Variants in GDPD5 observed in about 807,000 individuals in gnomAD.
The protein encoded by GDPD5 is glycerophosphodiester phosphodiesterase 2.
A neutral mutation model predicts 75.1 loss-of-function variants in GDPD5; 48 were observed. The ratio of observed to expected loss-of-function variants is 0.64; its 90% CI spans 0.51 to 0.81. The LOEUF (loss-of-function observed/expected upper bound fraction) is 0.81, where lower values mean the gene tolerates loss of function less well. Ranked by LOEUF, GDPD5 falls within the 40% of genes least tolerant of loss-of-function variation. The probability of loss-of-function intolerance (pLI) is 0.00; values close to 1 mark genes in which losing one functional copy is unlikely to be tolerated. For missense variants in GDPD5, 706 were observed against 822.6 expected (o/e 0.86, Z 1.73); for synonymous variants, 336 against 339.0 (o/e 0.99, Z 0.10).
At chr11:75,477,036 T>C (rs1355053446) in intron 3 of GDPD5, among the ~76,000 whole-genome samples, 2 of 152,210 alleles carry the variant, frequency 1.3e-5, no homozygotes, top group African/African-American at 4.8e-5. Context: ...CACACAGGAA[T>C]TGGGTTCCTT....
intron 14 of GDPD5, among the ~76,000 whole-genome samples, chr11:75,440,406 T>C (rs1325632773): frequency 2.0e-5 from 3 of 152,216 alleles, no homozygotes; most frequent in African/African-American, 4.8e-5. Flanking sequence ...GTCTGATTCA[T>C]TGGCACTGCA....
chr11:75,471,089 G>A (rs1336678808), intron 3 of GDPD5, among the ~76,000 whole-genome samples: 1 of 152,206 alleles, frequency 6.6e-6, no homozygotes, highest in African/African-American at 2.4e-5. Flanking sequence ...CCACCTGCAA[G>A]CCAAATCTTG....
intron 2 of GDPD5, among the ~76,000 whole-genome samples, chr11:75,483,841 G>A (rs940612406): frequency 3.3e-5 from 5 of 152,236 alleles, no homozygotes; most frequent in Non-Finnish European, 7.3e-5. Flanking sequence ...GAGGATTGGG[G>A]AGGAAAGGCG....
In GDPD5 at chr11:75,456,396, G is replaced by A. The variant is rs182035726; in HGVS notation, c.375+361C>T. On this transcript the variant is annotated intron_variant, in intron 6 of 16. Coordinates refer to ENST00000336898, the MANE Select transcript of GDPD5 (RefSeq NM_030792.8). ...CCGAGGCAGGGCCCCCAGAGGGTGG[G>A]TGCCACAGTATGAGCTGTGAGCTCT... 2.2e-4 allele frequency: 50 copies of A among 232,008 alleles called. 1 individual carries two copies. The East Asian group carries it at 4.2e-3, about 20-fold the overall frequency. 14.4% of individuals were successfully genotyped at this position (232,008 alleles called of 1,614,324 possible).
chr11:75,500,443 T>C (rs1390566316), intron 1 of GDPD5, among the ~76,000 whole-genome samples: 1 of 152,186 alleles, frequency 6.6e-6, no homozygotes, highest in East Asian at 1.9e-4. Flanking sequence ...CCTCAGCCAC[T>C]GATTGCCTGG....
Position 75,487,863 on chromosome 11 carries a change from G to C in GDPD5, c.-61+2374C>G, listed in dbSNP as rs1950045473. On this transcript the variant is annotated intron_variant, in intron 2 of 16. Coordinates refer to ENST00000336898, the MANE Select transcript of GDPD5 (RefSeq NM_030792.8). ...AGCATCTCAGAACTCAAAATCTCAG[G>C]CTCCAAATGCCCCAAATTGGACCTC... is the stretch of plus-strand genomic sequence containing the variant. 2.0e-5 allele frequency among the ~76,000 whole-genome samples: 3 copies of C among 152,178 alleles called. No homozygotes were observed. In the South Asian group the frequency reaches 6.2e-4, roughly 32 times the overall value.
intron 9 of GDPD5, among the ~76,000 whole-genome samples, chr11:75,447,752 C>T (rs753427123): frequency 2.0e-5 from 3 of 152,098 alleles, no homozygotes; most frequent in Non-Finnish European, 4.4e-5. Context: ...CGTTTTAAGC[C>T]CCTCAGAAGA....
At chr11:75,462,473 C>T (rs929319694) in intron 4 of GDPD5, among the ~76,000 whole-genome samples, 1 of 152,216 alleles carries the variant, frequency 6.6e-6, no homozygotes, top group Non-Finnish European at 1.5e-5. Flanking sequence ...TCCCTGAGTT[C>T]GCAGTAGGAC....
chr11:75,456,951 T>C, intron 5 of GDPD5, 135 bp from the exon 6 acceptor site: 1 of 806,310 alleles, frequency 1.2e-6, no homozygotes, highest in South Asian at 1.6e-5. Context: ...CTCCAGGCGA[T>C]GGGAATGCGC....
chr11:75,506,386 C>CG (rs1950399985), intron 1 of GDPD5, among the ~76,000 whole-genome samples: 1 of 152,232 alleles, frequency 6.6e-6, no homozygotes, highest in African/African-American at 2.4e-5. Flanking sequence ...AGAGCAACCC[C>CG]GGGGAAGTCC....
At chr11:75,469,596 C>CT (rs1272774008) in intron 3 of GDPD5, among the ~76,000 whole-genome samples, 1 of 152,214 alleles carries the variant, frequency 6.6e-6, no homozygotes, top group Non-Finnish European at 1.5e-5. Flanking sequence ...CAAGGTCACA[C>CT]TTTGAGTCAC....
chr11:75,481,574 G>A (rs970595626), intron 2 of GDPD5, among the ~76,000 whole-genome samples: 1 of 152,054 alleles, frequency 6.6e-6, no homozygotes, highest in Non-Finnish European at 1.5e-5. Flanking sequence ...GAGAGACCAT[G>A]GGTGGGGGTT....
chr11:75,442,803 T>C, intron 11 of GDPD5: 1 of 605,928 alleles, frequency 1.7e-6, no homozygotes, highest in Middle Eastern at 4.4e-4. Flanking sequence ...TTGCTTGGAA[T>C]CGCTCCCAGA....
intron 6 of GDPD5, chr11:75,450,806 C>CCCCAGGCGTG (rs1363917308): frequency 6.6e-6 from 1 of 151,996 alleles, no homozygotes; most frequent in Non-Finnish European, 1.5e-5. Context: ...CCCTCCACAC[C>CCCCAGGCGTG]CCCAGGCGTG....
chr11:75,505,224 G>C (rs950826200), intron 1 of GDPD5, among the ~76,000 whole-genome samples: 1 of 152,104 alleles, frequency 6.6e-6, no homozygotes, highest in African/African-American at 2.4e-5. Flanking sequence ...ACAGAAGAGG[G>C]GGCATTTGAG....
chr11:75,478,093 G>T (rs1197962938), intron 2 of GDPD5, among the ~76,000 whole-genome samples: 1 of 152,178 alleles, frequency 6.6e-6, no homozygotes, highest in African/African-American at 2.4e-5. Context: ...TCTTCCCTTA[G>T]AAACCTGCAT....
rs1948598811 is a variant in GDPD5 at position 75,435,393 on chromosome 11, AAGG to A, written c.*111_*113del. On this transcript the variant is annotated 3_prime_UTR_variant, in exon 17 of 17. Coordinates refer to ENST00000336898, the MANE Select transcript of GDPD5 (RefSeq NM_030792.8). The stretch of plus-strand genomic sequence containing the variant: ...CGGCTGACAAGGGGCTGGAGCCCAC[AAGG>A]AGGCTGTGGAGCCCGCTCCCAGAGC... The A allele has an allele frequency of 2.0e-6, 2 of 1,001,010 alleles. No homozygotes were observed. Among genetic ancestry groups the A allele is most frequent in the Non-Finnish European group, 1.4e-6 (1 of 697,216 alleles). 62.0% of individuals were successfully genotyped at this position (1,001,010 alleles called of 1,614,324 possible).
At chr11:75,453,481 G>C (rs1949215789) in intron 6 of GDPD5, among the ~76,000 whole-genome samples, 1 of 152,138 alleles carries the variant, frequency 6.6e-6, no homozygotes, top group South Asian at 2.1e-4. Context: ...TAGCTGGGCT[G>C]GTGGCCGGTG....
chr11:75,451,333 C>G (rs1949145420), intron 6 of GDPD5: 1 of 152,304 alleles, frequency 6.6e-6, no homozygotes, highest in Non-Finnish European at 1.5e-5. Context: ...ATGGGCGTGC[C>G]TGGGCCTGTG....
Sources: gnomAD v4.1 joint callset for allele counts (sites outside exome capture counted in the v4.1 genomes callset) on GRCh38, gnomAD v4.1.1 for gene constraint, MANE v1.5 for transcripts, NCBI Gene and HGNC (gene_info 2026-07-23, HGNC 2026-07-21) for gene names.